ZNF385D: variants seen among roughly 807,000 people sequenced by gnomAD.
ZNF385D encodes zinc finger protein 659.
In ZNF385D, 15 loss-of-function variants were observed where a neutral mutation model predicts 35.8. The observed-to-expected ratio is 0.42, with a 90% CI of 0.28 to 0.64. The LOEUF (loss-of-function observed/expected upper bound fraction) is 0.64, where lower values mean the gene tolerates loss of function less well. Ranked by LOEUF, ZNF385D falls within the 30% of genes least tolerant of loss-of-function variation. The probability of loss-of-function intolerance (pLI) is 0.23; values close to 1 mark genes in which losing one functional copy is unlikely to be tolerated. For synonymous variants in ZNF385D, 212 were observed against 186.8 expected, an observed-to-expected ratio of 1.13 and a Z score of -1.10; for missense variants, 474 against 494.6, an observed-to-expected ratio of 0.96 and a Z score of 0.39.
chr3:21,581,018 C>G (rs2063642779), intron 2 of ZNF385D, among the ~76,000 whole-genome samples: 1 of 152,042 alleles, frequency 6.6e-6, no homozygotes, highest in Non-Finnish European at 1.5e-5. Flanking sequence ...CGTCCTTCCT[C>G]CCACCGTAAG....
chr3:22,205,349 G>C (rs2125250275), intron 2 of ZNF385D, among the ~76,000 whole-genome samples: 1 of 151,808 alleles, frequency 6.6e-6, no homozygotes, highest in South Asian at 2.1e-4. Context: ...CACCAGACCT[G>C]TGCTATAAGA....
chr3:22,277,687 A>G (rs1701498493), intron 2 of ZNF385D, among the ~76,000 whole-genome samples: 1 of 152,152 alleles, frequency 6.6e-6, no homozygotes, highest in South Asian at 2.1e-4. Flanking sequence ...AATGTTTTTT[A>G]CAATTATTAG....
At chr3:22,172,729 T>C (rs1300378429) in intron 2 of ZNF385D, among the ~76,000 whole-genome samples, 1 of 152,184 alleles carries the variant, frequency 6.6e-6, no homozygotes, top group African/African-American at 2.4e-5. Context: ...CAACATATTA[T>C]TGGATTAATA....
intron 3 of ZNF385D, among the ~76,000 whole-genome samples, chr3:22,155,433 G>A (rs905755075): frequency 1.3e-5 from 2 of 151,846 alleles, no homozygotes; most frequent in African/African-American, 4.8e-5. Context: ...TCTATATGAA[G>A]GGAAGGAAAA....
intron 2 of ZNF385D, among the ~76,000 whole-genome samples, chr3:21,620,340 A>G (rs950854298): frequency 1.5e-5 from 2 of 129,242 alleles, no homozygotes; most frequent in African/African-American, 5.1e-5. Flanking sequence ...AGTCCTAAAA[A>G]GAGGAATTTT....
At chr3:22,366,918 A>T (rs1696683031) in intron 2 of ZNF385D, among the ~76,000 whole-genome samples, 1 of 152,194 alleles carries the variant, frequency 6.6e-6, no homozygotes, top group South Asian at 2.1e-4. Context: ...CAAGCCAAGG[A>T]ATGGCAACAG....
At chr3:21,963,388 A>G (rs1425597424) in intron 3 of ZNF385D, among the ~76,000 whole-genome samples, 2 of 152,198 alleles carry the variant, frequency 1.3e-5, no homozygotes. Flanking sequence ...GAACCGCAGT[A>G]GCGTGCAGAA....
At chr3:22,161,749 T>C (rs1705966668) in intron 3 of ZNF385D, among the ~76,000 whole-genome samples, 1 of 152,200 alleles carries the variant, frequency 6.6e-6, no homozygotes, top group Non-Finnish European at 1.5e-5. Flanking sequence ...CAGTTAGAGT[T>C]GTTGATGAAA....
At chr3:22,126,892 C>G (rs1176139485) in intron 3 of ZNF385D, among the ~76,000 whole-genome samples, 18 of 152,052 alleles carry the variant, frequency 1.2e-4, no homozygotes, top group Non-Finnish European at 2.9e-5. Flanking sequence ...GGTATATCAT[C>G]TTGATGAATT....
intron 2 of ZNF385D, among the ~76,000 whole-genome samples, chr3:22,169,877 C>G (rs892427534): frequency 4.6e-5 from 7 of 152,162 alleles, no homozygotes; most frequent in Non-Finnish European, 1.0e-4. Flanking sequence ...TCAGCACAGC[C>G]TTGACCTCCT....
chr3:21,820,081 A>G (rs2073337505), intron 3 of ZNF385D, among the ~76,000 whole-genome samples: 1 of 151,582 alleles, frequency 6.6e-6, no homozygotes, highest in South Asian at 2.1e-4. Context: ...AAAATATTGA[A>G]TATATTTTAT....
At chr3:21,735,612 A>T (rs2069205597) in intron 1 of ZNF385D, among the ~76,000 whole-genome samples, 2 of 152,288 alleles carry the variant, frequency 1.3e-5, no homozygotes, top group South Asian at 2.1e-4. Flanking sequence ...AGGGGATGTA[A>T]ATTAGGACGC....
chr3:22,189,116 G>A (rs560036618), intron 2 of ZNF385D, among the ~76,000 whole-genome samples: 181 of 152,108 alleles, frequency 1.2e-3, no homozygotes, highest in Non-Finnish European at 2.0e-3. Flanking sequence ...TTTTCAGGTG[G>A]AATTCTTGTC....
Position 22,070,298 on chromosome 3 carries a change from A to G in ZNF385D, c.325+98519T>C, listed in dbSNP as rs540171322. ...TGGCATCACCTATAATTATATGCAT[A>G]TATTTCCTTTTATATATACATGAAA... is the stretch of plus-strand genomic sequence containing the variant. On this transcript the variant is annotated intron_variant, in intron 3 of 5. Transcript: ENST00000494108. Among the ~76,000 whole-genome samples, 295 of 152,272 alleles carry G rather than the reference A, an allele frequency of 1.9e-3. 1 individual carries two copies. The highest frequency in any genetic ancestry group is 7.0e-3 in the African/African-American group (292 of 41,564).
intron 3 of ZNF385D, among the ~76,000 whole-genome samples, chr3:22,050,872 A>ACAGATACCTAGAGAGTACAG (rs1369187729): frequency 9.3e-5 from 9 of 96,544 alleles, no homozygotes; most frequent in South Asian, 4.5e-4. Context: ...TCAATGTGTT[A>ACAGATACCTAGAGAGTACAG]TAATTTCTGT....
chr3:22,081,080 T>G (rs1700727993), intron 3 of ZNF385D, among the ~76,000 whole-genome samples: 1 of 152,226 alleles, frequency 6.6e-6, no homozygotes, highest in South Asian at 2.1e-4. Flanking sequence ...AAATTATAAA[T>G]TTTTAAAGGT....
intron 3 of ZNF385D, among the ~76,000 whole-genome samples, chr3:22,036,356 G>A (rs1046701402): frequency 1.3e-5 from 2 of 152,112 alleles, no homozygotes; most frequent in Non-Finnish European, 2.9e-5. Context: ...CCAAGTTTTG[G>A]CCCAATGAGA....
chr3:22,304,632 T>A (rs745389222), intron 2 of ZNF385D, among the ~76,000 whole-genome samples: 1 of 152,184 alleles, frequency 6.6e-6, no homozygotes, highest in African/African-American at 2.4e-5. Context: ...TTATCTTTTC[T>A]TGGACAATGA....
intron 2 of ZNF385D, among the ~76,000 whole-genome samples, chr3:22,335,146 C>A (rs1411179314): frequency 6.6e-6 from 1 of 152,084 alleles, no homozygotes; most frequent in African/African-American, 2.4e-5. Context: ...AGAAAAGCAG[C>A]CCTTATCTAT....
Sources: allele counts gnomAD v4.1 joint callset (sites outside exome capture counted in the v4.1 genomes callset), GRCh38; gene constraint gnomAD v4.1.1; transcripts MANE v1.5; gene names NCBI Gene and HGNC (gene_info 2026-07-23, HGNC 2026-07-21).